Variants in MTRR observed in about 807,000 individuals in gnomAD.
MTRR encodes methionine synthase reductase.
A neutral mutation model predicts 79.2 loss-of-function variants in MTRR; 63 were observed. The observed-to-expected ratio is 0.80, with a 90% CI of 0.65 to 0.98. The LOEUF (loss-of-function observed/expected upper bound fraction) is 0.98. Ranked by LOEUF, MTRR falls within the 50% of genes least tolerant of loss-of-function variation. The pLI is 0.00. For synonymous variants in MTRR, 355 were observed against 313.3 expected (o/e 1.13, Z -1.41); for missense variants, 895 against 839.6 (o/e 1.07, Z -0.82).
intron 12 of MTRR, chr5:7,896,494 C>T: frequency 3.2e-6 from 1 of 312,592 alleles, no homozygotes; most frequent in Non-Finnish European, 6.1e-6. Context: ...TTCGTAGACA[C>T]TTTACACATT....
At chr5:7,898,583 T>C (rs1738933193) in intron 14 of MTRR, among the ~76,000 whole-genome samples, 1 of 152,134 alleles carries the variant, frequency 6.6e-6, no homozygotes, top group Non-Finnish European at 1.5e-5. Context: ...GAAGCAAAAT[T>C]GTCCCAAAGC....
At chr5:7,872,021 C>T (rs966394774) in intron 2 of MTRR, among the ~76,000 whole-genome samples, 20 of 152,082 alleles carry the variant, frequency 1.3e-4, no homozygotes, top group Admixed American at 1.0e-3. Flanking sequence ...TTTTTTAACA[C>T]CAAGATAGTC....
At chr5:7,894,950 T>G (rs1738255569) in intron 11 of MTRR, among the ~76,000 whole-genome samples, 1 of 152,208 alleles carries the variant, frequency 6.6e-6, no homozygotes, top group South Asian at 2.1e-4. Context: ...AGAGCAGTAA[T>G]GAGACACAGC....
At chr5:7,856,257 C>T (rs1746244509) in intron 1 of MTRR, among the ~76,000 whole-genome samples, 1 of 152,166 alleles carries the variant, frequency 6.6e-6, no homozygotes, top group Non-Finnish European at 1.5e-5. Flanking sequence ...TGTGGCTCAG[C>T]TCATATAGAC....
intron 3 of MTRR, among the ~76,000 whole-genome samples, chr5:7,874,564 G>T (rs1298603339): frequency 6.9e-6 from 1 of 145,396 alleles, no homozygotes; most frequent in African/African-American, 2.5e-5. Flanking sequence ...ACATGGAGAT[G>T]CCTGCACAAC....
At chr5:7,853,198 C>G (rs2126572234) in intron 1 of MTRR, among the ~76,000 whole-genome samples, 1 of 152,244 alleles carries the variant, frequency 6.6e-6, no homozygotes, top group East Asian at 1.9e-4. Flanking sequence ...GGCCATTTCC[C>G]CCATGCTGTT....
intron 9 of MTRR, chr5:7,890,451 G>T (rs569317031): frequency 1.0e-6 from 1 of 974,596 alleles, no homozygotes; most frequent in South Asian, 4.8e-5. Context: ...TTCTCTTATC[G>T]CATACTAATT....
At chr5:7,863,169 C>T in intron 2 of MTRR, 1 of 629,530 alleles carries the variant, frequency 1.6e-6, no homozygotes. Context: ...AACTTCTCTT[C>T]TTACAGTGCA....
chr5:7,887,653 G>C (rs1247283708), intron 8 of MTRR, among the ~76,000 whole-genome samples: 1 of 147,410 alleles, frequency 6.8e-6, no homozygotes, highest in African/African-American at 2.5e-5. Flanking sequence ...TGTAATGAAA[G>C]CTTACCGATT....
In MTRR at chr5:7,885,702, A is replaced by G; in HGVS notation, c.905A>G (p.Asn302Ser). The change falls in exon 7 of 15, where the codon AAT becomes AGT. Residue 302 changes from asparagine (N) to serine (S), a missense_variant and splice_region_variant. Physicochemically the swap from Asn to Ser is conservative, Grantham distance 46. Transcript: ENST00000440940. ...TTLLVELDIS[N>S]TDFSYQPGDA... ...TTTTTCATTTTGGCTCTTCTCTAGA[A>G]TACAGACTTTTCCTATCAGCCTGGA... 1 of 1,613,418 alleles carries G rather than the reference A, an allele frequency of 6.2e-7. No individual in the cohort carries two copies. Among genetic ancestry groups the G allele is most frequent in the Non-Finnish European group, 8.5e-7 (1 of 1,179,772 alleles).
intron 1 of MTRR, among the ~76,000 whole-genome samples, chr5:7,857,203 A>C (rs1253610465): frequency 6.6e-6 from 1 of 152,218 alleles, no homozygotes; most frequent in African/African-American, 2.4e-5. Flanking sequence ...CAATTATTAA[A>C]AATATTATCA....
chr5:7,874,265 G>A (rs1430865862), intron 3 of MTRR, among the ~76,000 whole-genome samples: 1 of 152,150 alleles, frequency 6.6e-6, no homozygotes, highest in Non-Finnish European at 1.5e-5. Context: ...TTATTTTTTG[G>A]AGAGGGTATC....
chr5:7,869,236 G>C, intron 1 of MTRR, 21 bp downstream of exon 1: 1 of 1,602,784 alleles, frequency 6.2e-7, no homozygotes. Flanking sequence ...TGTCGGCTAC[G>C]GTTCCCGGAT....
intron 9 of MTRR, among the ~76,000 whole-genome samples, chr5:7,889,558 TAATA>T (rs1214123551): frequency 6.6e-5 from 10 of 152,288 alleles, no homozygotes; most frequent in African/African-American, 2.2e-4. Flanking sequence ...TTTTCTCTCT[TAATA>T]GAGTCAGTTG....
At chr5:7,854,601 C>G (rs769122381) in intron 1 of MTRR, among the ~76,000 whole-genome samples, 1 of 152,104 alleles carries the variant, frequency 6.6e-6, no homozygotes, top group Non-Finnish European at 1.5e-5. Flanking sequence ...AGCGGAAACC[C>G]CTGATAAAAC....
At chr5:7,890,280 C>T (rs957229610) in intron 9 of MTRR, 3 of 985,160 alleles carry the variant, frequency 3.0e-6, no homozygotes, top group African/African-American at 1.7e-5. Context: ...CACTTAGGAC[C>T]TCCCCAAAAT....
At chr5:7,856,463 C>T (rs1044979536) in intron 1 of MTRR, among the ~76,000 whole-genome samples, 7 of 152,134 alleles carry the variant, frequency 4.6e-5, no homozygotes, top group East Asian at 1.9e-4. Flanking sequence ...GACCCTTCAC[C>T]GCGAGCTGTA....
chr5:7,892,080 A>G (rs1482918803), intron 10 of MTRR, among the ~76,000 whole-genome samples: 1 of 152,126 alleles, frequency 6.6e-6, no homozygotes, highest in African/African-American at 2.4e-5. Context: ...GCACTGGCTT[A>G]TAGGATTCTC....
At position 7,877,997 on chromosome 5, in the gene MTRR, A is replaced by G. The variant is rs750209286; in HGVS notation, c.455A>G (p.Lys152Arg). ...WIAGLWPALR[K>R]HFRSSRGQEE... ...GCTGGACTCTGGCCAGCCCTCAGAA[A>G]GCATTTTAGGTCAAGCAGAGGACAA... The change falls in exon 5 of 15, where the codon AAG becomes AGG. Residue 152 changes from lysine to arginine, a missense_variant. Coordinates refer to ENST00000440940, the MANE Select transcript of MTRR (RefSeq NM_002454.3). 1.2e-6 allele frequency: 2 copies of G among 1,613,690 alleles called. No individual in the cohort carries two copies. The highest frequency in any genetic ancestry group is 8.5e-7 in the Non-Finnish European group (1 of 1,179,996).
Sources: gnomAD v4.1 joint callset for allele counts (sites outside exome capture counted in the v4.1 genomes callset) on GRCh38, gnomAD v4.1.1 for gene constraint, MANE v1.5 for transcripts, NCBI Gene and HGNC (gene_info 2026-07-23, HGNC 2026-07-21) for gene names.